Variants in NAALADL2 observed in about 807,000 individuals in gnomAD.
NAALADL2 encodes N-acetylated alpha-linked acidic dipeptidase like 2, also known as inactive N-acetylated-alpha-linked acidic dipeptidase-like protein 2.
Under a neutral mutation model 87.2 loss-of-function variants are expected in NAALADL2, and 76 were observed. That is an observed-to-expected ratio of 0.87 (90% confidence interval 0.72 to 1.05). The LOEUF is 1.05. Ranked by LOEUF, NAALADL2 falls within the 50% of genes least tolerant of loss-of-function variation. The probability of loss-of-function intolerance (pLI) is 0.00; values close to 1 mark genes in which losing one functional copy is unlikely to be tolerated. For missense variants in NAALADL2, 1,089 were observed against 945.8 expected (o/e 1.15, Z -1.99); for synonymous variants, 354 against 331.0 (o/e 1.07, Z -0.75).
chr3:175,511,251 T>C (rs1267934543), intron 9 of NAALADL2, among the ~76,000 whole-genome samples: 1 of 152,180 alleles, frequency 6.6e-6, no homozygotes, highest in Non-Finnish European at 1.5e-5. Context: ...AGGGCTGAAT[T>C]GTGTTCTCTC....
chr3:175,693,263 C>A (rs1737280126), intron 11 of NAALADL2, among the ~76,000 whole-genome samples: 2 of 152,126 alleles, frequency 1.3e-5, no homozygotes, highest in African/African-American at 4.8e-5. Context: ...TGGTTGAACT[C>A]CATCTCCAGT....
chr3:174,689,656 G>A (rs568598556), intron 2 of NAALADL2, among the ~76,000 whole-genome samples: 2 of 152,110 alleles, frequency 1.3e-5, no homozygotes, highest in South Asian at 4.1e-4. Context: ...CCTCTTGAGT[G>A]TTGGGAAATG....
rs565551206 is a variant in NAALADL2 at position 174,654,768 on chromosome 3, C to T, written c.-114-82873C>T. Reference sequence around the variant, plus strand: ...TTATTTATTTTGAGATGGAGTCTTGCTCTGTCACCCAGGCTGGAGTGCAGT... The same window carrying T: ...TTATTTATTTTGAGATGGAGTCTTGTTCTGTCACCCAGGCTGGAGTGCAGT... On this transcript the variant is annotated intron_variant, in intron 2 of 3. Transcript: ENST00000434257. 8.5e-5 allele frequency among the ~76,000 whole-genome samples: 13 copies of T among 152,208 alleles called. 1 individual carries two copies. The highest frequency in any genetic ancestry group is 7.9e-4 in the Admixed American group (12 of 15,286).
chr3:175,195,694 A>G (rs1426680252), intron 2 of NAALADL2, among the ~76,000 whole-genome samples: 1 of 151,946 alleles, frequency 6.6e-6, no homozygotes, highest in Non-Finnish European at 1.5e-5. Context: ...AAGATCATCT[A>G]TCAGAAGGAC....
At chr3:175,578,347 C>T (rs910158869) in intron 10 of NAALADL2, among the ~76,000 whole-genome samples, 2 of 151,882 alleles carry the variant, frequency 1.3e-5, no homozygotes, top group Admixed American at 6.6e-5. Flanking sequence ...ATGGGAGGAT[C>T]GCTGGAGCCC....
At chr3:174,629,107 A>G (rs1342249968) in intron 2 of NAALADL2, among the ~76,000 whole-genome samples, 1 of 152,210 alleles carries the variant, frequency 6.6e-6, no homozygotes, top group Non-Finnish European at 1.5e-5. Context: ...ACAAACCATT[A>G]TTCTTACTAT....
chr3:175,133,897 T>A lies in NAALADL2; in HGVS notation c.545+36606T>A, dbSNP rs987909602. ...TTTGAATGTTTTTACTCTGAGGTGA[T>A]GTAACTGAACATAAGAAAGATTAAA... On this transcript the variant is annotated intron_variant, in intron 2 of 13. Coordinates refer to ENST00000454872, the MANE Select transcript of NAALADL2 (RefSeq NM_207015.3). 3.3e-5 allele frequency among the ~76,000 whole-genome samples: 5 copies of A among 152,330 alleles called. No individual in the cohort carries two copies. The East Asian group carries it at 5.8e-4, about 18-fold the overall frequency.
At chr3:175,123,900 A>G (rs1312886038) in intron 2 of NAALADL2, among the ~76,000 whole-genome samples, 1 of 152,000 alleles carries the variant, frequency 6.6e-6, no homozygotes, top group Non-Finnish European at 1.5e-5. Flanking sequence ...GCTATATGTT[A>G]TTCAATTTTT....
chr3:174,646,208 A>G (rs1357526344), intron 2 of NAALADL2, among the ~76,000 whole-genome samples: 1 of 152,176 alleles, frequency 6.6e-6, no homozygotes, highest in Non-Finnish European at 1.5e-5. Flanking sequence ...GTTGAAAAAA[A>G]AATTCTTGAG....
At chr3:175,401,406 A>C (rs564111977) in intron 5 of NAALADL2, among the ~76,000 whole-genome samples, 23 of 152,164 alleles carry the variant, frequency 1.5e-4, no homozygotes, top group Non-Finnish European at 2.9e-4. Flanking sequence ...CAAAGGATTT[A>C]TATTTTGAAT....
intron 4 of NAALADL2, among the ~76,000 whole-genome samples, chr3:175,305,300 A>T (rs1340350649): frequency 6.6e-6 from 1 of 151,488 alleles, no homozygotes; most frequent in Non-Finnish European, 1.5e-5. Context: ...GTGTTCTCCA[A>T]GGAACGTAAT....
chr3:174,858,706 T>C (rs1560293354), upstream of NAALADL2, among the ~76,000 whole-genome samples: 1 of 151,858 alleles, frequency 6.6e-6, no homozygotes, highest in Non-Finnish European at 1.5e-5. Flanking sequence ...AGAGGAAAAT[T>C]AGAAATTGTT....
chr3:175,654,468 T>A (rs1480278140), intron 11 of NAALADL2, among the ~76,000 whole-genome samples: 4 of 152,192 alleles, frequency 2.6e-5, no homozygotes, highest in Non-Finnish European at 4.4e-5. Context: ...CAGCCTTAGA[T>A]CTTTAAACTT....
At position 175,031,348 on chromosome 3, in the gene NAALADL2, G is replaced by T. The variant is rs144846530; in HGVS notation, c.44-65442G>T. Reference sequence around the variant, plus strand: ...TATGTTCATGTGTACTCAATGTTTAGCTCCTACTTATAAGTGAGAGCATGT... The same window carrying T: ...TATGTTCATGTGTACTCAATGTTTATCTCCTACTTATAAGTGAGAGCATGT... On this transcript the variant is annotated intron_variant, in intron 1 of 13. Transcript: ENST00000454872. 9.2e-5 allele frequency among the ~76,000 whole-genome samples: 14 copies of T among 152,022 alleles called. No homozygotes were observed. The East Asian group carries it at 2.5e-3, about 27-fold the overall frequency.
chr3:174,877,446 A>G (rs17527294), intron 1 of NAALADL2, among the ~76,000 whole-genome samples: 14,220 of 152,048 alleles, frequency 0.094, 904 homozygotes, highest in Non-Finnish European at 0.12. Context: ...TCCATTCTCA[A>G]TTCTCCCTAT....
chr3:175,729,766 AG>A (rs1430601640), intron 11 of NAALADL2, among the ~76,000 whole-genome samples: 9 of 137,338 alleles, frequency 6.6e-5, no homozygotes, highest in African/African-American at 2.4e-4. Flanking sequence ...ATTCAGCTGA[AG>A]GTTTTTTTTT....
At chr3:174,569,883 CTTA>C (rs1365225438) in intron 2 of NAALADL2, among the ~76,000 whole-genome samples, 2 of 152,054 alleles carry the variant, frequency 1.3e-5, no homozygotes, top group Non-Finnish European at 2.9e-5. Flanking sequence ...ATATGAACTA[CTTA>C]TTATTAGGCA....
intron 9 of NAALADL2, among the ~76,000 whole-genome samples, chr3:175,492,042 C>A (rs1277554572): frequency 6.6e-6 from 1 of 152,154 alleles, no homozygotes; most frequent in Admixed American, 6.6e-5. Flanking sequence ...AGCTCTGTAG[C>A]AGTTACAAAA....
At chr3:175,233,224 A>G (rs139616521) in intron 2 of NAALADL2, among the ~76,000 whole-genome samples, 2 of 152,304 alleles carry the variant, frequency 1.3e-5, no homozygotes, top group East Asian at 3.9e-4. Context: ...AGCAATAACT[A>G]TATGTCAATC....
Sources: gnomAD v4.1 joint callset for allele counts (sites outside exome capture counted in the v4.1 genomes callset) on GRCh38, gnomAD v4.1.1 for gene constraint, MANE v1.5 for transcripts, NCBI Gene and HGNC (gene_info 2026-07-23, HGNC 2026-07-21) for gene names.